The following WNK3 variants were observed in gnomAD, a reference collection of about 807,000 sequenced individuals.
The protein encoded by WNK3 is WNK lysine deficient protein kinase 3.
A neutral mutation model predicts 116.7 loss-of-function variants in WNK3; 18 were observed. The ratio of observed to expected loss-of-function variants is 0.15; its 90% CI spans 0.11 to 0.23. The LOEUF (loss-of-function observed/expected upper bound fraction) is 0.23. WNK3 is among the 10% of genes least tolerant of loss of function. The probability of loss-of-function intolerance (pLI) is 1.00; values close to 1 mark genes in which losing one functional copy is unlikely to be tolerated. For synonymous variants in WNK3, 404 were observed against 469.4 expected, an observed-to-expected ratio of 0.86 and a Z score of 1.80; for missense variants, 993 against 1,323.8, an observed-to-expected ratio of 0.75 and a Z score of 3.88.
chrX:54,277,771 C>A (rs1411501813), intron 10 of WNK3, among the ~76,000 whole-genome samples: 1 of 111,408 alleles, frequency 9.0e-6, no homozygotes, highest in Non-Finnish European at 1.9e-5. Context: ...TATACTCTAA[C>A]AAGGAACATG....
At position 54,279,303 on chromosome X, in the gene WNK3, A is replaced by C. The variant is rs17002489; in HGVS notation, c.2037+13585T>G. Among the ~76,000 whole-genome samples the C allele has an allele frequency of 3.0e-3, 334 of 111,137 alleles. 3 individuals are homozygous for C. The highest frequency in any genetic ancestry group is 0.01 in the African/African-American group (315 of 30,746). Reference sequence around the variant, plus strand: ...AAAGGCATATGTTTATATAAGGCAAAAACTATAACATTGCATTGTGCAGTT... The same window carrying C: ...AAAGGCATATGTTTATATAAGGCAACAACTATAACATTGCATTGTGCAGTT... On this transcript the variant is annotated intron_variant, in intron 10 of 23. Transcript: ENST00000354646.
chrX:54,341,396 CA>C (rs376230511), intron 1 of WNK3, among the ~76,000 whole-genome samples: 217 of 96,201 alleles, frequency 2.3e-3, no homozygotes, highest in African/African-American at 5.4e-3. Context: ...AGCTCCATCT[CA>C]AAAAAAAAAA....
intron 17 of WNK3, among the ~76,000 whole-genome samples, chrX:54,244,364 G>A (rs1421807243): frequency 8.9e-6 from 1 of 111,957 alleles, no homozygotes; most frequent in Non-Finnish European, 1.9e-5. Flanking sequence ...TTTTACAGAT[G>A]AGGAAATTAA....
intron 22 of WNK3, among the ~76,000 whole-genome samples, chrX:54,221,833 T>TAA (rs1236235763): frequency 1.9e-5 from 2 of 106,783 alleles, no homozygotes; most frequent in Non-Finnish European, 3.9e-5. Flanking sequence ...GACCCCATCT[T>TAA]AAAAAAAAAC....
intron 1 of WNK3, among the ~76,000 whole-genome samples, chrX:54,339,416 G>GA (rs1320463119): frequency 4.5e-4 from 49 of 108,375 alleles, no homozygotes; most frequent in African/African-American, 9.7e-4. Flanking sequence ...AACATTCTCT[G>GA]AAAAAAAAAT....
intron 2 of WNK3, among the ~76,000 whole-genome samples, chrX:54,317,793 G>A (rs1444553206): frequency 9.3e-6 from 1 of 107,585 alleles, no homozygotes; most frequent in African/African-American, 3.4e-5. Flanking sequence ...CACCATGCCC[G>A]GCAAATTTTT....
intron 7 of WNK3, among the ~76,000 whole-genome samples, chrX:54,297,937 G>C (rs781856452): frequency 4.5e-5 from 5 of 110,294 alleles, no homozygotes; most frequent in African/African-American, 1.6e-4. Context: ...GCCGGGCGTG[G>C]TGGCGGGCTC....
intron 4 of WNK3, 104 bp from the exon 5 acceptor site, chrX:54,308,183 C>T: frequency 4.0e-6 from 3 of 759,166 alleles, no homozygotes; most frequent in Non-Finnish European, 5.5e-6. Flanking sequence ...TTTCTACTCC[C>T]CCAAAGCAAA....
chrX:54,249,888 A>G, intron 16 of WNK3, 106 bp downstream of exon 16: 2 of 983,838 alleles, frequency 2.0e-6, no homozygotes, highest in Non-Finnish European at 2.7e-6. Flanking sequence ...GCTTATGAAA[A>G]TTCTCATAAG....
rs2068672016 is a variant in WNK3 at position 54,294,219 on chromosome X, G to A, written c.1693+334C>T. On this transcript the variant is annotated intron_variant, in intron 8 of 23. Transcript: ENST00000354646. ...GGATTTATGTTAGACCCTCAAAAAT[G>A]ATAATAAGATCATTTTATTTATACC... is the stretch of plus-strand genomic sequence containing the variant. 2.7e-5 allele frequency among the ~76,000 whole-genome samples: 3 copies of A among 111,378 alleles called. No individual in the cohort carries two copies. The Admixed American group carries it at 2.9e-4, about 11-fold the overall frequency.
At chrX:54,313,078 C>A (rs1312278390) in intron 2 of WNK3, among the ~76,000 whole-genome samples, 1 of 110,345 alleles carries the variant, frequency 9.1e-6, no homozygotes, top group Non-Finnish European at 1.9e-5. Context: ...TTTTCATTTT[C>A]ATTTTCATTT....
At chrX:54,332,614 C>A (rs2069182272) in intron 2 of WNK3, among the ~76,000 whole-genome samples, 2 of 111,337 alleles carry the variant, frequency 1.8e-5, no homozygotes, top group South Asian at 7.5e-4. Flanking sequence ...AGGCCAGGAG[C>A]CATGACTCAT....
At chrX:54,220,244 A>C (rs1174943494) in intron 22 of WNK3, among the ~76,000 whole-genome samples, 1 of 111,966 alleles carries the variant, frequency 8.9e-6, no homozygotes, top group South Asian at 3.8e-4. Context: ...AGAATACTAA[A>C]AAATCTGAAT....
intron 11 of WNK3, among the ~76,000 whole-genome samples, chrX:54,257,059 A>C (rs1015926679): frequency 1.8e-5 from 2 of 111,837 alleles, no homozygotes; most frequent in Middle Eastern, 4.6e-3. Context: ...ATGAAAGCGG[A>C]CTGGCTGGGG....
rs1173971190 is a variant in WNK3 at position 54,345,543 on chromosome X, T to G, written c.-119-11751A>C. ...AAAGAGGCGATTCTAGAAACAGCAT[T>G]TTTCTTCTCTTATTTCCTATCCCAG... On this transcript the variant is annotated intron_variant, in intron 1 of 23. Coordinates refer to ENST00000354646, the Ensembl canonical transcript of WNK3. 2.7e-5 allele frequency among the ~76,000 whole-genome samples: 3 copies of G among 110,214 alleles called. No individual in the cohort carries two copies. The East Asian group carries it at 8.5e-4, about 31-fold the overall frequency.
intron 21 of WNK3, among the ~76,000 whole-genome samples, chrX:54,232,072 A>AGT (rs1198136964): frequency 1.1e-5 from 1 of 94,635 alleles, no homozygotes; most frequent in African/African-American, 4.0e-5. Flanking sequence ...ATTCTTGTTG[A>AGT]GTGTGTGTGT....
chrX:54,279,603 G>A (rs1421862881), intron 10 of WNK3, among the ~76,000 whole-genome samples: 2 of 111,789 alleles, frequency 1.8e-5, no homozygotes, highest in Admixed American at 1.9e-4. Context: ...CTTAAAGCCT[G>A]CAGGAAATAA....
At position 54,254,911 on chromosome X, in the gene WNK3, C is replaced by T. The variant is rs184636356; in HGVS notation, c.2250+829G>A. On this transcript the variant is annotated intron_variant, in intron 12 of 23. Coordinates refer to ENST00000354646, the Ensembl canonical transcript of WNK3. ...GGTTAGAGATACGGGCTTTAAAGTC[C>T]GATCTAGGTTCAGATCTGACATTAT... 2.6e-3 allele frequency among the ~76,000 whole-genome samples: 294 copies of T among 111,261 alleles called. 2 individuals carry two copies. The highest frequency in any genetic ancestry group is 4.7e-3 in the Middle Eastern group (1 of 213).
chrX:54,297,349 G>GA (rs1364471195), intron 7 of WNK3, among the ~76,000 whole-genome samples: 1 of 111,322 alleles, frequency 9.0e-6, no homozygotes, highest in African/African-American at 3.3e-5. Flanking sequence ...CTGAGGTGGG[G>GA]ACAGATCACT....
Sources: gnomAD v4.1 joint callset for allele counts (sites outside exome capture counted in the v4.1 genomes callset) on GRCh38, gnomAD v4.1.1 for gene constraint, MANE v1.5 for transcripts, NCBI Gene and HGNC (gene_info 2026-07-23, HGNC 2026-07-21) for gene names.